Variants in RPL13A observed in about 807,000 individuals in gnomAD.
The protein encoded by RPL13A is ribosomal protein L13a.
In RPL13A, 4 loss-of-function variants were observed where a neutral mutation model predicts 30.8. The ratio of observed to expected loss-of-function variants is 0.13; its 90% CI spans 0.06 to 0.30. The LOEUF (loss-of-function observed/expected upper bound fraction) is 0.30, where lower values mean the gene tolerates loss of function less well. RPL13A is among the 10% of genes least tolerant of loss of function. RPL13A has a pLI of 1.00. For missense variants in RPL13A, 196 were observed against 272.6 expected, an observed-to-expected ratio of 0.72 and a Z score of 1.98; for synonymous variants, 108 against 104.2, an observed-to-expected ratio of 1.04 and a Z score of -0.22.
chr19:49,487,623 G>A lies in RPL13A; in HGVS notation c.-7G>A, dbSNP rs1330605149. On this transcript the variant is annotated 5_prime_UTR_variant, in exon 1 of 8. Coordinates refer to ENST00000391857, the MANE Select transcript of RPL13A (RefSeq NM_012423.4). ...AAACCTCCTCCTTTTCCAAGCGGCTGCCGAAGATGGCGGAGGTGCAGGTAT... is the reference window on the plus strand; with the variant it reads ...AAACCTCCTCCTTTTCCAAGCGGCTACCGAAGATGGCGGAGGTGCAGGTAT... 2 of 1,575,736 alleles carry A rather than the reference G, an allele frequency of 1.3e-6. No individual in the cohort carries two copies. The highest frequency in any genetic ancestry group is 1.9e-5 in the Admixed American group (1 of 53,498).
chr19:49,491,360 C>T (rs1364189814), intron 6 of RPL13A, 65 bp from the exon 7 acceptor site: 13 of 1,383,682 alleles, frequency 9.4e-6, no homozygotes, highest in South Asian at 9.3e-5. Context: ...TCCGGCTCTT[C>T]AGGGTGTGGG....
At position 49,489,915 on chromosome 19, in the gene RPL13A, A is replaced by C; in HGVS notation, c.81A>C (p.Val27=). The change falls in exon 2 of 8, where the codon GTA becomes GTC. Residue 27 remains valine (V), a synonymous_variant. Coordinates refer to ENST00000391857, the MANE Select transcript of RPL13A (RefSeq NM_012423.4). ...GRLAAIVAKQ[V]LLGRKVVVVR... ...TGGCGGCCATCGTGGCTAAACAGGT[A>C]CTGCTGGGTAAGTCGCTGCTCGTGG... 6.2e-7 allele frequency: 1 copy of C among 1,613,512 alleles called. No individual in the cohort carries two copies. The highest frequency in any genetic ancestry group is 8.5e-7 in the Non-Finnish European group (1 of 1,179,420).
At position 49,489,205 on chromosome 19, in the gene RPL13A, C is replaced by T. The variant is rs73054110; in HGVS notation, c.16-645C>T. On this transcript the variant is annotated intron_variant, in intron 1 of 7. Transcript: ENST00000391857. ...GAAGAGAATTAGATTGTGTTAACAT[C>T]CTACAATTGATTGGCCACAGTGGCT... Among the ~76,000 whole-genome samples, 891 of 152,284 alleles carry T rather than the reference C, an allele frequency of 5.9e-3. 6 individuals carry two copies. Among genetic ancestry groups the T allele is most frequent in the Non-Finnish European group, 0.011 (726 of 68,036 alleles).
At position 49,490,479 on chromosome 19, in the gene RPL13A, G is replaced by A; in HGVS notation, c.159G>A (p.Lys53=). The A allele has an allele frequency of 3.1e-6, 5 of 1,614,178 alleles. No homozygotes were observed. The highest frequency in any genetic ancestry group is 4.2e-6 in the Non-Finnish European group (5 of 1,180,022). ...CACACTCTCCCCTCTCCCTAGTGAA[G>A]TACCTGGCTTTCCTCCGCAAGCGGA... ...ISGNFYRNKL[K]YLAFLRKRMN... is the part of the protein sequence containing the mutation. The change falls in exon 4 of 8, where the codon AAG becomes AAA. Residue 53 remains lysine (K), a synonymous_variant. Coordinates refer to ENST00000391857, the MANE Select transcript of RPL13A (RefSeq NM_012423.4).
intron 2 of RPL13A, 69 bp downstream of exon 2, chr19:49,489,991 A>C (rs1465318104): frequency 7.7e-7 from 1 of 1,295,118 alleles, no homozygotes; most frequent in Non-Finnish European, 1.1e-6. Context: ...AACATTCACC[A>C]TCTTTCGTTT....
At chr19:49,487,802 CGCGGCTCTCTTTAG>C (rs921380339) in intron 1 of RPL13A, among the ~76,000 whole-genome samples, 158 bp downstream of exon 1, 11 of 152,170 alleles carry the variant, frequency 7.2e-5, no homozygotes, top group African/African-American at 2.7e-4. Flanking sequence ...TAGGAAATGC[CGCGGCTCTCTTTAG>C]GCCTAGGGTT....
At chr19:49,490,656 C>A in intron 4 of RPL13A, 80 bp downstream of exon 4, 1 of 1,579,496 alleles carries the variant, frequency 6.3e-7, no homozygotes, top group Non-Finnish European at 8.7e-7. Context: ...ATTCGAGTTT[C>A]CCGACCATGA....
intron 7 of RPL13A, 75 bp from the exon 8 acceptor site, chr19:49,491,654 G>C (rs1007581932): frequency 1.3e-6 from 2 of 1,577,408 alleles, no homozygotes; most frequent in Non-Finnish European, 1.7e-6. Context: ...GCCGGGGTTG[G>C]GGTGGGATGC....
intron 5 of RPL13A, 41 bp downstream of exon 5, chr19:49,490,905 G>C (rs768794462): frequency 1.2e-6 from 2 of 1,611,326 alleles, no homozygotes; most frequent in African/African-American, 1.3e-5. Flanking sequence ...CCTTACCTGT[G>C]GCGTCCATGA....
At chr19:49,487,879 CAGG>C (rs2079822120) in intron 1 of RPL13A, among the ~76,000 whole-genome samples, 2 of 152,158 alleles carry the variant, frequency 1.3e-5, no homozygotes, top group African/African-American at 4.8e-5. Flanking sequence ...GCTTCCAGCA[CAGG>C]ACAGGTATTT....
At position 49,487,642 on chromosome 19, in the gene RPL13A, C is replaced by A; in HGVS notation, c.13C>A (p.Gln5Lys). The A allele has an allele frequency of 6.4e-7, 1 of 1,563,106 alleles. No homozygotes were observed. Among genetic ancestry groups the A allele is most frequent in the Non-Finnish European group, 8.6e-7 (1 of 1,156,234 alleles). The change falls in exon 1 of 8, where the codon CAG becomes AAG. Residue 5 changes from glutamine (Q) to lysine (K), a missense_variant and splice_region_variant. Gln to Lys is a moderately conservative substitution (Grantham distance 53). Transcript: ENST00000391857. ...GCGGCTGCCGAAGATGGCGGAGGTG[C>A]AGGTATGGGCTCCGCGCGGGCCGGG... MAEV[Q>K]VLVLDGRGHL... is the part of the protein sequence containing the mutation.
chr19:49,487,813 T>G (rs943740966), intron 1 of RPL13A, among the ~76,000 whole-genome samples, 169 bp downstream of exon 1: 26 of 152,156 alleles, frequency 1.7e-4, no homozygotes, highest in Non-Finnish European at 3.1e-4. Context: ...GCGGCTCTCT[T>G]TAGGCCTAGG....
Position 49,491,449 on chromosome 19 carries a change from C to T in RPL13A, c.427C>T (p.His143Tyr). The change falls in exon 7 of 8, where the codon CAC (histidine) becomes TAC (tyrosine). Residue 143 changes from histidine to tyrosine, a missense_variant. Physicochemically the swap from His to Tyr is moderately conservative, Grantham distance 83 (BLOSUM62 2). Coordinates refer to ENST00000391857, the MANE Select transcript of RPL13A (RefSeq NM_012423.4). ...GTTTGCCTATCTGGGGCGCCTGGCTCACGAGGTTGGCTGGAAGTACCAGGC... is the reference window on the plus strand; with the variant it reads ...GTTTGCCTATCTGGGGCGCCTGGCTTACGAGGTTGGCTGGAAGTACCAGGC... ...RKFAYLGRLA[H>Y]EVGWKYQAVT... is the part of the protein sequence containing the mutation. 3 of 1,259,408 alleles carry T rather than the reference C, an allele frequency of 2.4e-6. No homozygotes were observed. The highest frequency in any genetic ancestry group is 3.2e-6 in the Non-Finnish European group (3 of 952,120). The allele number at this position is 1,259,408 out of a possible 1,614,324, so 78.0% of individuals were successfully genotyped here.
intron 7 of RPL13A, 60 bp from the exon 8 acceptor site, chr19:49,491,669 C>T (rs1321659417): frequency 1.9e-6 from 3 of 1,585,212 alleles, no homozygotes; most frequent in Non-Finnish European, 1.7e-6. Flanking sequence ...GGATGCAGTC[C>T]ATGTAATGAG....
chr19:49,491,418 C>CCCG lies in RPL13A; in HGVS notation c.403-5_403-3dup, dbSNP rs1555806993. On this transcript the variant is annotated splice_polypyrimidine_tract_variant and splice_region_variant and intron_variant, in intron 6 of 7. Transcript: ENST00000391857. The stretch of plus-strand genomic sequence containing the variant: ...CATTTGTTCACCCCCCCCCCCCCCC[C>CCCG]CCGCAGTTTGCCTATCTGGGGCGCC... 1.7e-6 allele frequency: 2 copies of CCCG among 1,168,118 alleles called. No homozygotes were observed. The highest frequency in any genetic ancestry group is 3.8e-5 in the African/African-American group (2 of 52,506). The allele number at this position is 1,168,118 out of a possible 1,614,324, so 72.4% of individuals were successfully genotyped here. A position where few individuals can be genotyped will look rare whatever the true frequency, so the allele number is the denominator to read the frequency against.
In RPL13A at chr19:49,490,229, T is replaced by C; in HGVS notation, c.89-3T>C. 6.2e-7 allele frequency: 1 copy of C among 1,614,054 alleles called. No individual in the cohort carries two copies. Among genetic ancestry groups the C allele is most frequent in the Non-Finnish European group, 8.5e-7 (1 of 1,180,008 alleles). On this transcript the variant is annotated splice_polypyrimidine_tract_variant and splice_region_variant and intron_variant, in intron 2 of 7. Transcript: ENST00000391857. ...GCCCTGCTAAGCCTTTCCCTCCCTC[T>C]AGGCCGGAAGGTGGTGGTCGTACGC...
chr19:49,491,255 CAGG>C, intron 6 of RPL13A, 156 bp downstream of exon 6: 1 of 1,184,052 alleles, frequency 8.4e-7, no homozygotes, highest in East Asian at 2.3e-5. Context: ...TAGCTGATGC[CAGG>C]AGGCTTGGGT....
At chr19:49,491,377 G>A in intron 6 of RPL13A, 48 bp from the exon 7 acceptor site, 1 of 1,150,998 alleles carries the variant, frequency 8.7e-7, no homozygotes, top group Non-Finnish European at 1.2e-6. Context: ...TGGGGGCTTA[G>A]ATATCCTTAC....
intron 4 of RPL13A, 101 bp from the exon 5 acceptor site, chr19:49,490,678 A>AT (rs751970050): frequency 5.1e-6 from 8 of 1,564,496 alleles, no homozygotes; most frequent in Non-Finnish European, 7.0e-6. Context: ...ATGACTCCAC[A>AT]TGCACTACCA....
Sources: allele counts gnomAD v4.1 joint callset (sites outside exome capture counted in the v4.1 genomes callset), GRCh38; gene constraint gnomAD v4.1.1; transcripts MANE v1.5; gene names NCBI Gene and HGNC (gene_info 2026-07-23, HGNC 2026-07-21).